TNNI3K: variants seen among roughly 807,000 people sequenced by gnomAD.
TNNI3K encodes the protein serine/threonine-protein kinase TNNI3K.
TNNI3K carries 140 observed loss-of-function variants against 114.5 expected under a neutral mutation model. The ratio of observed to expected loss-of-function variants is 1.22; its 90% CI spans 1.07 to 1.41. The LOEUF (loss-of-function observed/expected upper bound fraction) is 1.41. TNNI3K is among the 40% of genes most tolerant of loss of function. The pLI is 0.00. For synonymous variants in TNNI3K, 347 were observed against 347.5 expected (o/e 1.00, Z 0.02); for missense variants, 1,125 against 1,007.6 (o/e 1.12, Z -1.58).
intron 17 of TNNI3K, among the ~76,000 whole-genome samples, chr1:74,430,258 C>T (rs988437246): frequency 3.3e-5 from 5 of 151,960 alleles, no homozygotes; most frequent in Admixed American, 2.6e-4. Flanking sequence ...ATGAATCATT[C>T]GAGCACTTTA....
chr1:74,509,715 A>C (rs912110158), intron 23 of TNNI3K, among the ~76,000 whole-genome samples: 5 of 142,618 alleles, frequency 3.5e-5, no homozygotes, highest in African/African-American at 1.3e-4. Context: ...GGTACCTATG[A>C]ACTGCTTTCT....
intron 23 of TNNI3K, among the ~76,000 whole-genome samples, chr1:74,526,607 A>G (rs186111468): frequency 2.6e-5 from 4 of 152,344 alleles, no homozygotes; most frequent in Non-Finnish European, 4.4e-5. Context: ...CTACATGTCT[A>G]ATATGTGGTA....
chr1:74,336,151 T>G lies in TNNI3K; in HGVS notation c.682+2T>G. On this transcript the variant is annotated splice_donor_variant, in intron 7 of 24. Transcript: ENST00000326637. LOFTEE classifies it high-confidence loss of function. ...TGGAAGAAGGCAGCAAAGCAGATGG[T>G]AAGATTATATATTTAAAAGACCTTT... 1 of 1,594,180 alleles carries G rather than the reference T, an allele frequency of 6.3e-7. No homozygotes were observed. Among genetic ancestry groups the G allele is most frequent in the Non-Finnish European group, 8.5e-7 (1 of 1,174,772 alleles).
At chr1:74,250,898 A>G in intron 4 of TNNI3K, 129 bp downstream of exon 4, 2 of 709,074 alleles carry the variant, frequency 2.8e-6, no homozygotes, top group East Asian at 3.1e-5. Context: ...TTACATTACT[A>G]AAGGACTTCT....
chr1:74,475,665 A>C (rs1023240379), intron 21 of TNNI3K: 3 of 716,138 alleles, frequency 4.2e-6, no homozygotes, highest in Non-Finnish European at 7.8e-6. Flanking sequence ...AGTATCCCTT[A>C]GTGTGGTAAT....
intron 17 of TNNI3K, among the ~76,000 whole-genome samples, chr1:74,398,959 A>G (rs1183734960): frequency 3.3e-5 from 5 of 151,990 alleles, no homozygotes; most frequent in Non-Finnish European, 7.4e-5. Context: ...GTTTGAGACC[A>G]GCCTGGCCAA....
intron 23 of TNNI3K, among the ~76,000 whole-genome samples, chr1:74,506,093 G>A (rs1669883634): frequency 6.6e-6 from 1 of 152,096 alleles, no homozygotes; most frequent in Admixed American, 6.5e-5. Context: ...GGGTCCTAGG[G>A]GGATATGATG....
At chr1:74,279,376 C>T (rs748593565) in intron 5 of TNNI3K, among the ~76,000 whole-genome samples, 1 of 152,158 alleles carries the variant, frequency 6.6e-6, no homozygotes, top group Non-Finnish European at 1.5e-5. Flanking sequence ...TAGGCTAAAG[C>T]TTTGCTAATC....
intron 23 of TNNI3K, among the ~76,000 whole-genome samples, chr1:74,494,982 A>G (rs1669253356): frequency 1.3e-5 from 2 of 152,226 alleles, no homozygotes; most frequent in South Asian, 4.1e-4. Context: ...TGGAGGGGAC[A>G]GAGCTTCTCT....
At chr1:74,429,895 C>A (rs1665811977) in intron 17 of TNNI3K, among the ~76,000 whole-genome samples, 1 of 152,050 alleles carries the variant, frequency 6.6e-6, no homozygotes, top group Non-Finnish European at 1.5e-5. Context: ...TTATAGGAAG[C>A]CTGGGAAGCA....
At chr1:74,382,538 G>C (rs1468134126) in intron 17 of TNNI3K, among the ~76,000 whole-genome samples, 3 of 152,144 alleles carry the variant, frequency 2.0e-5, no homozygotes, top group African/African-American at 7.2e-5. Flanking sequence ...GAAAGGTTTT[G>C]TTGTTACTAA....
intron 20 of TNNI3K, among the ~76,000 whole-genome samples, chr1:74,453,071 C>T (rs1489925349): frequency 2.6e-5 from 4 of 152,156 alleles, no homozygotes; most frequent in African/African-American, 9.7e-5. Flanking sequence ...ATTTTACTCA[C>T]AGTTTTGTAA....
intron 2 of TNNI3K, among the ~76,000 whole-genome samples, chr1:74,242,387 A>G (rs1448078483): frequency 1.3e-5 from 2 of 152,124 alleles, no homozygotes; most frequent in African/African-American, 2.4e-5. Flanking sequence ...TCTCTCTGAA[A>G]AGTTCATCTG....
intron 23 of TNNI3K, among the ~76,000 whole-genome samples, chr1:74,505,627 C>A (rs1387644940): frequency 1.3e-5 from 2 of 152,200 alleles, no homozygotes; most frequent in East Asian, 3.9e-4. Context: ...AAAATGGCAT[C>A]GTTCTTCCTT....
intron 11 of TNNI3K, among the ~76,000 whole-genome samples, chr1:74,365,370 G>A (rs1436191439): frequency 6.6e-6 from 1 of 152,160 alleles, no homozygotes; most frequent in Admixed American, 6.5e-5. Flanking sequence ...AGTGCAGATT[G>A]CTGATGAGCA....
chr1:74,426,744 C>T (rs550034539), intron 17 of TNNI3K, among the ~76,000 whole-genome samples: 29 of 151,976 alleles, frequency 1.9e-4, no homozygotes, highest in African/African-American at 6.5e-4. Context: ...TCAGAAGGTC[C>T]CTGGCACATT....
chr1:74,472,129 T>C, intron 21 of TNNI3K: 1 of 717,286 alleles, frequency 1.4e-6, no homozygotes, highest in Non-Finnish European at 2.6e-6. Context: ...TGTTAAACGC[T>C]TCTCAAGACT....
chr1:74,471,866 T>C, intron 21 of TNNI3K: 1 of 454,228 alleles, frequency 2.2e-6, no homozygotes, highest in South Asian at 5.5e-5. Flanking sequence ...TTTTCTTTCA[T>C]GTAATCTTCA....
intron 17 of TNNI3K, 86 bp from the exon 18 acceptor site, chr1:74,435,994 A>G (rs1013596704): frequency 3.3e-6 from 5 of 1,519,920 alleles, no homozygotes; most frequent in South Asian, 1.3e-5. Flanking sequence ...AATGATGTCT[A>G]TGGTCCTCTT....
Sources: gnomAD v4.1 joint callset for allele counts (sites outside exome capture counted in the v4.1 genomes callset) on GRCh38, gnomAD v4.1.1 for gene constraint, MANE v1.5 for transcripts, NCBI Gene and HGNC (gene_info 2026-07-23, HGNC 2026-07-21) for gene names.